SOX5: variants seen among roughly 807,000 people sequenced by gnomAD.
The protein encoded by SOX5 is transcription factor SOX-5.
A neutral mutation model predicts 92.0 loss-of-function variants in SOX5; 9 were observed. The ratio of observed to expected loss-of-function variants is 0.10; its 90% CI spans 0.06 to 0.17. The LOEUF is 0.17. Among genes scored for constraint, SOX5 ranks in the 10% least tolerant of loss-of-function variants. The pLI, the probability that SOX5 is intolerant of heterozygous loss-of-function variation, is 1.00. For missense variants in SOX5, 642 were observed against 944.5 expected (o/e 0.68, Z 4.20); for synonymous variants, 344 against 336.3 (o/e 1.02, Z -0.25).
chr12:23,680,526 T>C (rs1224537839), intron 6 of SOX5, among the ~76,000 whole-genome samples: 2 of 150,756 alleles, frequency 1.3e-5, no homozygotes, highest in Admixed American at 6.6e-5. Context: ...AATAAGATGG[T>C]TTAACAAATG....
At chr12:24,143,072 C>T (rs568004813) in intron 4 of SOX5, among the ~76,000 whole-genome samples, 53 of 152,242 alleles carry the variant, frequency 3.5e-4, no homozygotes, top group African/African-American at 1.3e-3. Context: ...ATTCACAGAA[C>T]TATGTTAGAG....
chr12:24,284,751 C>T (rs1186621787), intron 2 of SOX5, among the ~76,000 whole-genome samples: 1 of 152,182 alleles, frequency 6.6e-6, no homozygotes, highest in Non-Finnish European at 1.5e-5. Flanking sequence ...CAATTTTTTG[C>T]TGTTCCTGAA....
intron 6 of SOX5, among the ~76,000 whole-genome samples, chr12:23,703,675 T>C (rs765017421): frequency 1.9e-4 from 29 of 151,706 alleles, no homozygotes; most frequent in Admixed American, 8.6e-4. Context: ...AAATATTTCT[T>C]GTATGAAATT....
chr12:23,554,511 A>G (rs1592013864), intron 11 of SOX5, among the ~76,000 whole-genome samples: 1 of 152,162 alleles, frequency 6.6e-6, no homozygotes. Flanking sequence ...TTAAAGACTG[A>G]TCTGCCACTT....
At chr12:24,497,631 G>T (rs1947777045) in intron 1 of SOX5, among the ~76,000 whole-genome samples, 1 of 152,178 alleles carries the variant, frequency 6.6e-6, no homozygotes, top group African/African-American at 2.4e-5. Flanking sequence ...CATTGTGGAA[G>T]ACAGTGTGGT....
At chr12:24,558,275 G>A (rs1421342233) in intron 1 of SOX5, among the ~76,000 whole-genome samples, 2 of 152,096 alleles carry the variant, frequency 1.3e-5, no homozygotes, top group African/African-American at 4.8e-5. Flanking sequence ...GACTGTCAAG[G>A]GCCCATCCTG....
chr12:23,603,136 C>A (rs556256397), intron 9 of SOX5, among the ~76,000 whole-genome samples: 6 of 151,978 alleles, frequency 3.9e-5, no homozygotes. Context: ...CTGGGGAATT[C>A]TAGGAAGATG....
intron 4 of SOX5, among the ~76,000 whole-genome samples, chr12:24,051,541 T>G (rs1386381639): frequency 2.0e-5 from 3 of 152,172 alleles, no homozygotes; most frequent in Non-Finnish European, 2.9e-5. Flanking sequence ...GCTAGTTCAA[T>G]ATAAAGATAT....
intron 1 of SOX5, among the ~76,000 whole-genome samples, chr12:24,372,302 G>T (rs776441073): frequency 6.6e-6 from 1 of 151,994 alleles, no homozygotes; most frequent in Non-Finnish European, 1.5e-5. Context: ...CCCCCAACAG[G>T]CCCCAGTGTG....
chr12:23,560,070 C>T (rs997824403), intron 11 of SOX5, among the ~76,000 whole-genome samples: 12 of 152,040 alleles, frequency 7.9e-5, no homozygotes, highest in Admixed American at 2.0e-4. Flanking sequence ...CCACCACACC[C>T]GGGTAATTTT....
intron 4 of SOX5, among the ~76,000 whole-genome samples, chr12:24,005,425 C>T (rs1388886310): frequency 1.3e-5 from 2 of 152,038 alleles, no homozygotes; most frequent in Admixed American, 6.6e-5. Context: ...GTTACATTTG[C>T]CCACATTCTA....
chr12:23,770,575 T>C (rs762536740), intron 3 of SOX5, among the ~76,000 whole-genome samples: 8 of 152,206 alleles, frequency 5.3e-5, no homozygotes, highest in Non-Finnish European at 1.0e-4. Flanking sequence ...CTCTTTACTT[T>C]GTTATGGAAC....
intron 1 of SOX5, among the ~76,000 whole-genome samples, chr12:24,560,436 T>G (rs1156754252): frequency 6.6e-6 from 1 of 152,318 alleles, no homozygotes; most frequent in East Asian, 1.9e-4. Flanking sequence ...ATGGCATAAT[T>G]TGCAGGAGAA....
intron 4 of SOX5, among the ~76,000 whole-genome samples, chr12:24,069,630 C>G (rs1941450253): frequency 6.6e-6 from 1 of 152,146 alleles, no homozygotes; most frequent in Admixed American, 6.5e-5. Flanking sequence ...GGATCCCATC[C>G]ATCATATTAC....
intron 4 of SOX5, among the ~76,000 whole-genome samples, chr12:23,999,847 T>C (rs1951428948): frequency 6.6e-6 from 1 of 151,926 alleles, no homozygotes; most frequent in South Asian, 2.1e-4. Context: ...AGTACTGTTA[T>C]ATTGCTATAC....
At position 23,824,514 on chromosome 12, in the gene SOX5, C is replaced by A. The variant is rs554638326; in HGVS notation, c.481+21469G>T. 2.0e-5 allele frequency among the ~76,000 whole-genome samples: 3 copies of A among 152,266 alleles called. No homozygotes were observed. The East Asian group carries it at 5.8e-4, about 29-fold the overall frequency. On this transcript the variant is annotated intron_variant, in intron 3 of 14. Transcript: ENST00000451604. ...AAAGCTTCGTCCCAGAGGGGCAGAGCCAGCCGGATCTCTCCTGTATGAGGT... is the reference window on the plus strand; with the variant it reads ...AAAGCTTCGTCCCAGAGGGGCAGAGACAGCCGGATCTCTCCTGTATGAGGT...
intron 4 of SOX5, among the ~76,000 whole-genome samples, chr12:23,964,006 A>AT (rs1462530209): frequency 6.6e-6 from 1 of 152,036 alleles, no homozygotes; most frequent in Non-Finnish European, 1.5e-5. Context: ...CAAAAAAAAA[A>AT]CTTAGGAAGA....
In SOX5 at chr12:23,739,834, G is replaced by A. The variant is rs1280584930; in HGVS notation, c.741+1033C>T. On this transcript the variant is annotated intron_variant, in intron 5 of 14. Coordinates refer to ENST00000451604, the MANE Select transcript of SOX5 (RefSeq NM_006940.6). ...TGCCCAATCTAAGGAGCATTGCCTT[G>A]TCATAGCAATCAACATTTATCTTAT... Among the ~76,000 whole-genome samples, 4 of 152,126 alleles carry A rather than the reference G, an allele frequency of 2.6e-5. No homozygotes were observed. In the South Asian group the frequency reaches 6.2e-4, roughly 24 times the overall value.
At chr12:24,289,855 C>T (rs1946419802) in intron 2 of SOX5, among the ~76,000 whole-genome samples, 1 of 152,196 alleles carries the variant, frequency 6.6e-6, no homozygotes, top group Non-Finnish European at 1.5e-5. Context: ...GATAATGTCT[C>T]ACTTAGGGCC....
Sources: allele counts gnomAD v4.1 joint callset (sites outside exome capture counted in the v4.1 genomes callset), GRCh38; gene constraint gnomAD v4.1.1; transcripts MANE v1.5; gene names NCBI Gene and HGNC (gene_info 2026-07-23, HGNC 2026-07-21).